SLC25A24: variants seen among roughly 807,000 people sequenced by gnomAD.
The protein encoded by SLC25A24 is solute carrier family 25 member 24.
A neutral mutation model predicts 60.7 loss-of-function variants in SLC25A24; 49 were observed. That is an observed-to-expected ratio of 0.81 (90% confidence interval 0.64 to 1.02). The LOEUF is 1.02. Among genes scored for constraint, SLC25A24 ranks in the 50% least tolerant of loss-of-function variants. The pLI, the probability that SLC25A24 is intolerant of heterozygous loss-of-function variation, is 0.00. For missense variants in SLC25A24, 564 were observed against 586.3 expected, an observed-to-expected ratio of 0.96 and a Z score of 0.39; for synonymous variants, 202 against 200.6, an observed-to-expected ratio of 1.01 and a Z score of -0.06.
At chr1:108,166,395 A>T (rs1384921843) in intron 3 of SLC25A24, among the ~76,000 whole-genome samples, 1 of 152,114 alleles carries the variant, frequency 6.6e-6, no homozygotes, top group Admixed American at 6.5e-5. Context: ...GTGTTTTCCA[A>T]CTTGGTTCCA....
intron 3 of SLC25A24, among the ~76,000 whole-genome samples, chr1:108,174,740 C>T (rs1647611122): frequency 6.6e-6 from 1 of 152,180 alleles, no homozygotes; most frequent in African/African-American, 2.4e-5. Flanking sequence ...ATGCCCAAGG[C>T]CATGGGAGCC....
At chr1:108,189,098 T>C (rs1648251784) in intron 1 of SLC25A24, among the ~76,000 whole-genome samples, 1 of 152,238 alleles carries the variant, frequency 6.6e-6, no homozygotes. Context: ...TTTCACTCTT[T>C]GGGGCCACAG....
At chr1:108,157,734 A>T (rs933313482) in intron 4 of SLC25A24, 114 bp from the exon 5 acceptor site, 3 of 1,211,890 alleles carry the variant, frequency 2.5e-6, no homozygotes, top group Admixed American at 2.2e-5. Context: ...TTCATTCCCT[A>T]GAATTTATAC....
chr1:108,143,052 A>G (rs530683034), intron 8 of SLC25A24, among the ~76,000 whole-genome samples: 1 of 152,310 alleles, frequency 6.6e-6, no homozygotes, highest in East Asian at 1.9e-4. Flanking sequence ...CAAGGCACAC[A>G]TTGAGTCCTT....
At chr1:108,147,992 A>G (rs1419962981) in intron 7 of SLC25A24, among the ~76,000 whole-genome samples, 1 of 152,114 alleles carries the variant, frequency 6.6e-6, no homozygotes, top group Non-Finnish European at 1.5e-5. Flanking sequence ...TCACGTGATA[A>G]GGAACTGATG....
intron 4 of SLC25A24, among the ~76,000 whole-genome samples, chr1:108,157,980 G>A (rs887830248): frequency 1.3e-5 from 2 of 152,120 alleles, no homozygotes; most frequent in Non-Finnish European, 2.9e-5. Flanking sequence ...CATAAGGCTA[G>A]AAAACCAACT....
chr1:108,162,113 A>G (rs1211488711), intron 3 of SLC25A24, among the ~76,000 whole-genome samples: 1 of 152,174 alleles, frequency 6.6e-6, no homozygotes, highest in Non-Finnish European at 1.5e-5. Flanking sequence ...ATGTCCCTAC[A>G]AAAGACATGA....
chr1:108,183,628 G>T (rs542112214), intron 2 of SLC25A24, among the ~76,000 whole-genome samples: 4 of 152,240 alleles, frequency 2.6e-5, no homozygotes, highest in African/African-American at 9.6e-5. Context: ...CTTATCAAAC[G>T]CATATATTTT....
At chr1:108,199,388 G>T (rs964171637) in intron 1 of SLC25A24, 2 of 153,248 alleles carry the variant, frequency 1.3e-5, no homozygotes, top group African/African-American at 4.8e-5. Flanking sequence ...CAACCCTTCA[G>T]ATCAATTTAT....
intron 3 of SLC25A24, 140 bp downstream of exon 3, chr1:108,181,801 T>C: frequency 1.5e-6 from 1 of 663,508 alleles, no homozygotes; most frequent in Non-Finnish European, 2.7e-6. Context: ...ACAAAATGAA[T>C]GGGAGGAAAA....
chr1:108,180,281 C>G (rs1312309610), intron 3 of SLC25A24, among the ~76,000 whole-genome samples: 1 of 151,752 alleles, frequency 6.6e-6, no homozygotes, highest in Non-Finnish European at 1.5e-5. Context: ...AGGAGAATTG[C>G]TTGAACCTGG....
At position 108,143,391 on chromosome 1, in the gene SLC25A24, C is replaced by T. The variant is rs183990546; in HGVS notation, c.1098+152G>A. The T allele has an allele frequency of 1.7e-4, 102 of 615,874 alleles. No individual in the cohort carries two copies. The East Asian group carries it at 2.5e-3, about 15-fold the overall frequency. The allele number at this position is 615,874 out of a possible 1,614,324, so 38.2% of individuals were successfully genotyped here. ...ACAAAAGTGACCCCATGCATATTCA[C>T]ACTCAAGTTACTTGAAAGTTCAAAT... On this transcript the variant is annotated intron_variant, in intron 8 of 9. Transcript: ENST00000565488.
At chr1:108,166,553 A>G (rs1396822097) in intron 3 of SLC25A24, among the ~76,000 whole-genome samples, 3 of 151,966 alleles carry the variant, frequency 2.0e-5, no homozygotes, top group Non-Finnish European at 4.4e-5. Context: ...TTCATCTTCC[A>G]TCGCTGATAC....
chr1:108,163,827 T>G (rs530328247), intron 3 of SLC25A24, among the ~76,000 whole-genome samples: 2 of 152,152 alleles, frequency 1.3e-5, no homozygotes, highest in African/African-American at 4.8e-5. Context: ...TCCAACACTA[T>G]GTCGAATAGG....
intron 9 of SLC25A24, among the ~76,000 whole-genome samples, chr1:108,137,874 A>C (rs191052980): frequency 9.2e-4 from 140 of 152,358 alleles, no homozygotes; most frequent in Non-Finnish European, 1.8e-3. Context: ...GAGAGAATAC[A>C]CAAGAAACGT....
At chr1:108,144,819 C>T (rs148194467) in intron 7 of SLC25A24, among the ~76,000 whole-genome samples, 2 of 152,146 alleles carry the variant, frequency 1.3e-5, no homozygotes, top group Non-Finnish European at 2.9e-5. Context: ...TTTTGTTTAT[C>T]TAGTCTATCA....
At chr1:108,152,030 C>A (rs1427383334) in intron 6 of SLC25A24, among the ~76,000 whole-genome samples, 3 of 152,092 alleles carry the variant, frequency 2.0e-5, no homozygotes, top group South Asian at 2.1e-4. Context: ...TTTAAATATT[C>A]TCCCTGCCTC....
chr1:108,144,839 A>G (rs1679543430), intron 7 of SLC25A24, among the ~76,000 whole-genome samples: 1 of 152,148 alleles, frequency 6.6e-6, no homozygotes, highest in Non-Finnish European at 1.5e-5. Context: ...ACTGATGGGC[A>G]TTTGGGTTGG....
At chr1:108,188,459 GGT>G (rs1229639610) in intron 1 of SLC25A24, among the ~76,000 whole-genome samples, 1 of 151,978 alleles carries the variant, frequency 6.6e-6, no homozygotes, top group Non-Finnish European at 1.5e-5. Context: ...AACTGCCTAC[GGT>G]ATTCAGTAAA....
Sources: gnomAD v4.1 joint callset for allele counts (sites outside exome capture counted in the v4.1 genomes callset) on GRCh38, gnomAD v4.1.1 for gene constraint, MANE v1.5 for transcripts, NCBI Gene and HGNC (gene_info 2026-07-23, HGNC 2026-07-21) for gene names.